SYN3: variants seen among roughly 807,000 people sequenced by gnomAD.
SYN3 encodes synapsin-3.
SYN3 carries 35 observed loss-of-function variants against 65.8 expected under a neutral mutation model. The ratio of observed to expected loss-of-function variants is 0.53; its 90% CI spans 0.41 to 0.70. SYN3 has a LOEUF of 0.70. Ranked by LOEUF, SYN3 falls within the 30% of genes least tolerant of loss-of-function variation. SYN3 has a pLI of 0.00. For missense variants in SYN3, 680 were observed against 749.0 expected (o/e 0.91, Z 1.08); for synonymous variants, 270 against 292.9 (o/e 0.92, Z 0.80).
intron 6 of SYN3, among the ~76,000 whole-genome samples, chr22:32,820,156 C>G (rs1028730175): frequency 6.6e-6 from 1 of 152,182 alleles, no homozygotes; most frequent in East Asian, 1.9e-4. Context: ...CAGGCCGTCT[C>G]TGAGGCTGGC....
At chr22:32,877,303 C>T (rs1174926563) in intron 4 of SYN3, among the ~76,000 whole-genome samples, 1 of 152,168 alleles carries the variant, frequency 6.6e-6, no homozygotes, top group Non-Finnish European at 1.5e-5. Context: ...TAACTTCACT[C>T]ATTTAAACCT....
intron 6 of SYN3, among the ~76,000 whole-genome samples, chr22:32,669,984 T>C (rs1408909448): frequency 2.0e-5 from 3 of 152,204 alleles, no homozygotes; most frequent in Non-Finnish European, 2.9e-5. Context: ...TAGAAGGAGC[T>C]TGACTCCCTG....
At chr22:32,584,363 G>A (rs1456570277) in intron 7 of SYN3, among the ~76,000 whole-genome samples, 1 of 152,170 alleles carries the variant, frequency 6.6e-6, no homozygotes, top group Non-Finnish European at 1.5e-5. Flanking sequence ...GGAGCAGCAA[G>A]GAGCTTTTGG....
At chr22:32,537,037 A>G (rs2058177283) in intron 9 of SYN3, among the ~76,000 whole-genome samples, 1 of 152,108 alleles carries the variant, frequency 6.6e-6, no homozygotes, top group African/African-American at 2.4e-5. Context: ...GAGCTTTTTG[A>G]GTTCACAGCC....
chr22:32,644,215 C>T (rs1293601472), intron 6 of SYN3, among the ~76,000 whole-genome samples: 1 of 151,386 alleles, frequency 6.6e-6, no homozygotes, highest in Non-Finnish European at 1.5e-5. Context: ...AGAAACTGTG[C>T]TAGGCAGGAC....
At chr22:32,595,928 T>C (rs558898450) in intron 7 of SYN3, among the ~76,000 whole-genome samples, 1 of 152,176 alleles carries the variant, frequency 6.6e-6, no homozygotes, top group East Asian at 1.9e-4. Flanking sequence ...AATACAAAAA[T>C]TAGCCAGGTA....
chr22:32,580,230 G>A lies in SYN3; in HGVS notation c.774+16444C>T, dbSNP rs756933801. On this transcript the variant is annotated intron_variant, in intron 7 of 13. Coordinates refer to ENST00000358763, the MANE Select transcript of SYN3 (RefSeq NM_003490.4). ...GAGGGCCAAAGCCAGCGCACCACCC[G>A]TTTTTGTACAGCCCATGGGTTAAGA... is the stretch of plus-strand genomic sequence containing the variant. Among the ~76,000 whole-genome samples, 18 of 152,230 alleles carry A rather than the reference G, an allele frequency of 1.2e-4. No individual in the cohort carries two copies. The South Asian group carries it at 1.2e-3, about 10-fold the overall frequency.
At chr22:32,531,383 T>G (rs1232124706) in intron 10 of SYN3, among the ~76,000 whole-genome samples, 1 of 152,050 alleles carries the variant, frequency 6.6e-6, no homozygotes, top group East Asian at 1.9e-4. Context: ...AACCCCATTT[T>G]ATTCTGGTCT....
intron 2 of SYN3, among the ~76,000 whole-genome samples, chr22:32,989,692 G>A (rs192677928): frequency 2.1e-4 from 32 of 149,208 alleles, no homozygotes; most frequent in Admixed American, 7.3e-4. Flanking sequence ...AAAATTAGCC[G>A]GGCATGGTGG....
chr22:32,727,975 A>T (rs2061219492), intron 6 of SYN3, among the ~76,000 whole-genome samples: 1 of 152,192 alleles, frequency 6.6e-6, no homozygotes, highest in African/African-American at 2.4e-5. Context: ...AACCTGACCA[A>T]ACAAGCAATG....
intron 6 of SYN3, among the ~76,000 whole-genome samples, chr22:32,850,187 G>A (rs573881075): frequency 6.6e-6 from 1 of 151,454 alleles, no homozygotes; most frequent in South Asian, 2.1e-4. Context: ...ACAGGAAGGA[G>A]GTATGCCCTT....
intron 4 of SYN3, among the ~76,000 whole-genome samples, chr22:32,879,514 A>G (rs2049070756): frequency 6.6e-6 from 1 of 152,160 alleles, no homozygotes; most frequent in Non-Finnish European, 1.5e-5. Context: ...TTGCGTCCTC[A>G]CATAGTCGAA....
At chr22:32,607,493 G>T (rs1340662543) in intron 6 of SYN3, among the ~76,000 whole-genome samples, 1 of 152,090 alleles carries the variant, frequency 6.6e-6, no homozygotes, top group Non-Finnish European at 1.5e-5. Flanking sequence ...AGGCACACAG[G>T]AGGGCCCAGG....
At chr22:32,653,442 GT>G (rs1188799823) in intron 6 of SYN3, among the ~76,000 whole-genome samples, 1 of 152,066 alleles carries the variant, frequency 6.6e-6, no homozygotes, top group African/African-American at 2.4e-5. Flanking sequence ...AACAAAAAAG[GT>G]TTACAAGAAA....
chr22:32,720,658 A>G lies in SYN3; in HGVS notation c.712-123922T>C, dbSNP rs139189151. 3.3e-5 allele frequency among the ~76,000 whole-genome samples: 5 copies of G among 152,318 alleles called. No individual in the cohort carries two copies. In the East Asian group the frequency reaches 9.7e-4, roughly 29 times the overall value. On this transcript the variant is annotated intron_variant, in intron 6 of 13. Coordinates refer to ENST00000358763, the MANE Select transcript of SYN3 (RefSeq NM_003490.4). ...ACCACTGTGCTAACTGGCTGGAGGA[A>G]ACTGAGGACCAGAGTCCATAAACCC...
At chr22:32,745,211 C>T (rs1023731435) in intron 6 of SYN3, among the ~76,000 whole-genome samples, 1 of 152,170 alleles carries the variant, frequency 6.6e-6, no homozygotes, top group Non-Finnish European at 1.5e-5. Context: ...GCTTCCCATC[C>T]AGAGCAGATG....
intron 3 of SYN3, among the ~76,000 whole-genome samples, chr22:32,933,925 T>G (rs1046003295): frequency 4.6e-5 from 7 of 152,174 alleles, no homozygotes; most frequent in Non-Finnish European, 8.8e-5. Context: ...TAACAGGAAT[T>G]ATGACCAAAG....
intron 6 of SYN3, among the ~76,000 whole-genome samples, chr22:32,756,837 T>C (rs1168179439): frequency 6.6e-6 from 1 of 152,214 alleles, no homozygotes; most frequent in Non-Finnish European, 1.5e-5. Context: ...TCAATCTCTT[T>C]TCTTGGTAAA....
intron 6 of SYN3, among the ~76,000 whole-genome samples, chr22:32,841,327 CA>C (rs1427765381): frequency 6.6e-6 from 1 of 152,142 alleles, no homozygotes; most frequent in Non-Finnish European, 1.5e-5. Context: ...AGCACAGTGT[CA>C]GGGGCCAAGG....
Sources: allele counts gnomAD v4.1 joint callset (sites outside exome capture counted in the v4.1 genomes callset), GRCh38; gene constraint gnomAD v4.1.1; transcripts MANE v1.5; gene names NCBI Gene and HGNC (gene_info 2026-07-23, HGNC 2026-07-21).